FHAD1: variants seen among roughly 807,000 people sequenced by gnomAD.
FHAD1 encodes forkhead-associated domain-containing protein 1.
FHAD1 carries 146 observed loss-of-function variants against 191.3 expected under a neutral mutation model. The observed-to-expected ratio is 0.76, with a 90% CI of 0.67 to 0.88. The LOEUF is 0.88. FHAD1 is among the 40% of genes least tolerant of loss of function. FHAD1 has a pLI of 0.00. For synonymous variants in FHAD1, 616 were observed against 672.3 expected (o/e 0.92, Z 1.29); for missense variants, 1,635 against 1,785.8 (o/e 0.92, Z 1.52).
At position 15,327,296 on chromosome 1, in the gene FHAD1, A is replaced by T; in HGVS notation, c.1557+154A>T. The T allele has an allele frequency of 1.8e-6, 1 of 558,692 alleles. No individual in the cohort carries two copies. Among genetic ancestry groups the T allele is most frequent in the Non-Finnish European group, 3.2e-6 (1 of 312,298 alleles). 34.6% of individuals were successfully genotyped at this position (558,692 alleles called of 1,614,324 possible). On this transcript the variant is annotated intron_variant, in intron 12 of 33. Coordinates refer to ENST00000688493, the MANE Select transcript of FHAD1 (RefSeq NM_001391957.1). This position sits in a 1 kb window ranked among gnomAD's most constrained non-coding sequence, Gnocchi z 5.1. ...CACCATAAAGATTTGTTTTGATTTT[A>T]TGGGATTTCCTGGCTTTTAAAGTAA...
rs72864859 is a variant in FHAD1, at chr1:15,323,868, G to A, written c.1366-584G>A. Among the ~76,000 whole-genome samples, 312 of 152,306 alleles carry A rather than the reference G, an allele frequency of 2.0e-3. 2 individuals are homozygous for A. The highest frequency in any genetic ancestry group is 7.0e-3 in the African/African-American group (292 of 41,566). ...TAGCCATTGCTTAGCTCCCAGAGCA[G>A]TTTCCCTTGGTAAGTGTGCTAGAAG... On this transcript the variant is annotated intron_variant, in intron 10 of 33. Coordinates refer to ENST00000688493, the MANE Select transcript of FHAD1 (RefSeq NM_001391957.1).
chr1:15,275,870 G>C (rs1179251532), intron 3 of FHAD1, among the ~76,000 whole-genome samples: 1 of 152,150 alleles, frequency 6.6e-6, no homozygotes, highest in Non-Finnish European at 1.5e-5. Flanking sequence ...TTTGGAAGAG[G>C]ACTGTCCTAA....
At chr1:15,271,183 C>T (rs1246491950) in intron 2 of FHAD1, among the ~76,000 whole-genome samples, 1 of 147,356 alleles carries the variant, frequency 6.8e-6, no homozygotes, top group Non-Finnish European at 1.5e-5. Flanking sequence ...CGTGGTAGCA[C>T]ATGCCTGTAG....
chr1:15,275,359 T>C (rs796604609), intron 3 of FHAD1, among the ~76,000 whole-genome samples: 7 of 152,336 alleles, frequency 4.6e-5, no homozygotes, highest in African/African-American at 1.7e-4. Context: ...TAAGGGACTT[T>C]TGGCAGCCAG....
In FHAD1 at chr1:15,367,612, G is replaced by C. The variant is rs1416946699; in HGVS notation, c.3304G>C (p.Glu1102Gln). Residue 1102 changes from glutamate (E) to glutamine (Q), a missense_variant, in exon 25 of 34, where the codon GAG becomes CAG. By Grantham distance (29) the Glu-to-Gln change is conservative (BLOSUM62 2). Transcript: ENST00000688493. Reference protein sequence around the residue: ...KKDRELKALEEALRASQEKHR... With the variant: ...KKDRELKALEQALRASQEKHR... ...AGATCGGGAGCTGAAGGCCCTTGAG[G>C]AGGCACTCAGGTTGGGTGGGCGGGG... 1.4e-5 allele frequency: 21 copies of C among 1,490,344 alleles called. No individual in the cohort carries two copies. Among genetic ancestry groups the C allele is most frequent in the Non-Finnish European group, 1.7e-5 (19 of 1,109,730 alleles). The allele number at this position is 1,490,344 out of a possible 1,614,324, so 92.3% of individuals were successfully genotyped here.
intron 28 of FHAD1, among the ~76,000 whole-genome samples, chr1:15,378,173 G>A (rs1286013216): frequency 6.6e-6 from 1 of 152,208 alleles, no homozygotes; most frequent in Non-Finnish European, 1.5e-5. Context: ...GCATGGTGGT[G>A]CACATCCGTG....
intron 21 of FHAD1, among the ~76,000 whole-genome samples, chr1:15,358,756 A>G (rs1394240208): frequency 6.6e-6 from 1 of 152,076 alleles, no homozygotes; most frequent in Admixed American, 6.6e-5. Flanking sequence ...GCCCTCCACA[A>G]TTAGGGCTCG....
Position 15,381,083 on chromosome 1 carries a change from A to G in FHAD1, c.3802-148A>G. Reference sequence around the variant, plus strand: ...TGTGGGAGAAAGGAAAGTCATGCTGAAAGCCCCAGTTGCACATCCTTTCAA... The same window carrying G: ...TGTGGGAGAAAGGAAAGTCATGCTGGAAGCCCCAGTTGCACATCCTTTCAA... On this transcript the variant is annotated intron_variant, in intron 29 of 33. Coordinates refer to ENST00000688493, the MANE Select transcript of FHAD1 (RefSeq NM_001391957.1). The surrounding 1 kb of genome is among the most constrained non-coding windows in gnomAD (Gnocchi z 4.6). The G allele has an allele frequency of 1.6e-6, 1 of 644,020 alleles. No individual in the cohort carries two copies. Among genetic ancestry groups the G allele is most frequent in the East Asian group, 2.7e-5 (1 of 36,630 alleles). The allele number at this position is 644,020 out of a possible 1,614,324, so 39.9% of individuals were successfully genotyped here.
chr1:15,397,445 CCT>C lies in FHAD1; in HGVS notation c.*35_*36del. The C allele has an allele frequency of 8.9e-7, 1 of 1,121,656 alleles. No individual in the cohort carries two copies. The highest frequency in any genetic ancestry group is 1.3e-6 in the Non-Finnish European group (1 of 784,436). 69.5% of individuals were successfully genotyped at this position (1,121,656 alleles called of 1,614,324 possible). On this transcript the variant is annotated 3_prime_UTR_variant, in exon 34 of 34. Coordinates refer to ENST00000688493, the MANE Select transcript of FHAD1 (RefSeq NM_001391957.1). ...CTCGTCCCACCAGGCCTCATGTGAT[CCT>C]CTGTGAGTTCATGTGACTCTTCTGT...
chr1:15,263,510 CTTTTTTTTTTTTTT>C (rs771788861), intron 2 of FHAD1, among the ~76,000 whole-genome samples: 16 of 75,032 alleles, frequency 2.1e-4, no homozygotes, highest in Admixed American at 5.5e-4. Flanking sequence ...CAGTTTTATT[CTTTTTTTTTTTTTT>C]TTTTTTTTTT....
intron 6 of FHAD1, among the ~76,000 whole-genome samples, chr1:15,302,182 C>G (rs112243031): frequency 6.6e-6 from 1 of 152,168 alleles, no homozygotes; most frequent in South Asian, 2.1e-4. Flanking sequence ...GCTGTCACTT[C>G]AGTAACCGCG....
intron 1 of FHAD1, among the ~76,000 whole-genome samples, chr1:15,241,718 G>T (rs962492296): frequency 2.6e-5 from 4 of 152,234 alleles, no homozygotes; most frequent in Middle Eastern, 6.8e-3. Context: ...TAGCAGTCAG[G>T]ATAGGGGCTA....
At chr1:15,394,495 T>C (rs1705268524) in intron 33 of FHAD1, among the ~76,000 whole-genome samples, 1 of 152,202 alleles carries the variant, frequency 6.6e-6, no homozygotes, top group Non-Finnish European at 1.5e-5. Context: ...TGTGGGCTGG[T>C]ATGGGACTGA....
chr1:15,320,790 C>CT (rs1210087728), intron 10 of FHAD1, among the ~76,000 whole-genome samples: 1 of 152,186 alleles, frequency 6.6e-6, no homozygotes, highest in Non-Finnish European at 1.5e-5. Context: ...GTTTGACCAT[C>CT]TTTGTCTTTC....
At chr1:15,242,293 A>T (rs1645484760), upstream of FHAD1, among the ~76,000 whole-genome samples, 1 of 151,460 alleles carries the variant, frequency 6.6e-6, no homozygotes, top group African/African-American at 2.4e-5. Flanking sequence ...TGGCAGCCAG[A>T]GTTTGAATTC....
chr1:15,321,799 A>G (rs976086858), intron 10 of FHAD1, among the ~76,000 whole-genome samples: 6 of 152,170 alleles, frequency 3.9e-5, no homozygotes, highest in Admixed American at 3.3e-4. Context: ...TTGCATGCAC[A>G]TGTGTGCATG....
chr1:15,266,992 T>A (rs1352149334), intron 2 of FHAD1, among the ~76,000 whole-genome samples: 1 of 94,170 alleles, frequency 1.1e-5, no homozygotes, highest in Non-Finnish European at 2.2e-5. Flanking sequence ...ACATTTTGGT[T>A]GCTTCCAGTT....
intron 14 of FHAD1, among the ~76,000 whole-genome samples, chr1:15,333,735 C>A (rs1682706025): frequency 6.6e-6 from 1 of 151,542 alleles, no homozygotes. Context: ...GGATTTAGCA[C>A]TGTGTTCGGT....
At chr1:15,387,024 C>T (rs1024076222) in intron 31 of FHAD1, among the ~76,000 whole-genome samples, 19 of 151,820 alleles carry the variant, frequency 1.3e-4, no homozygotes, top group African/African-American at 3.6e-4. Context: ...CCACCACGCC[C>T]GGCTTATTTT....
Sources: gnomAD v4.1 joint callset for allele counts (sites outside exome capture counted in the v4.1 genomes callset) on GRCh38, gnomAD v4.1.1 for gene constraint, Gnocchi (gnomAD v3.1) non-coding constraint, MANE v1.5 for transcripts, NCBI Gene and HGNC (gene_info 2026-07-23, HGNC 2026-07-21) for gene names.